CXCL13: variants seen among roughly 807,000 people sequenced by gnomAD.
The protein encoded by CXCL13 is C-X-C motif chemokine ligand 13.
Under a neutral mutation model 12.2 loss-of-function variants are expected in CXCL13, and 7 were observed. The observed-to-expected ratio is 0.57, with a 90% CI of 0.33 to 1.07. The LOEUF (loss-of-function observed/expected upper bound fraction) is 1.07. Ranked by LOEUF, CXCL13 falls within the 50% of genes least tolerant of loss-of-function variation. The probability of loss-of-function intolerance (pLI) is 0.04; values close to 1 mark genes in which losing one functional copy is unlikely to be tolerated. For synonymous variants in CXCL13, 47 were observed against 42.4 expected (o/e 1.11, Z -0.42); for missense variants, 113 against 127.4 (o/e 0.89, Z 0.55).
intron 1 of CXCL13, among the ~76,000 whole-genome samples, chr4:77,544,989 T>C (rs549725838): frequency 6.6e-6 from 1 of 152,330 alleles, no homozygotes; most frequent in Admixed American, 6.5e-5. Context: ...TCCAGCACCA[T>C]TTATTAAATA....
chr4:77,527,503 G>A (rs932906933), intron 1 of CXCL13, among the ~76,000 whole-genome samples: 7 of 151,942 alleles, frequency 4.6e-5, no homozygotes, highest in African/African-American at 7.3e-5. Flanking sequence ...GTGTTGGTTT[G>A]TGCCTGTGAT....
At chr4:77,583,602 T>C (rs1726387420) in intron 1 of CXCL13, among the ~76,000 whole-genome samples, 1 of 152,214 alleles carries the variant, frequency 6.6e-6, no homozygotes, top group Non-Finnish European at 1.5e-5. Context: ...CTCAGGGTAC[T>C]GAGTTCTCCT....
intron 1 of CXCL13, among the ~76,000 whole-genome samples, chr4:77,563,065 A>T (rs928220596): frequency 6.6e-6 from 1 of 152,160 alleles, no homozygotes; most frequent in African/African-American, 2.4e-5. Flanking sequence ...TATGAGCTGT[A>T]ACACTCACCA....
intron 1 of CXCL13, among the ~76,000 whole-genome samples, chr4:77,542,039 G>C (rs765553868): frequency 2.6e-5 from 4 of 152,080 alleles, no homozygotes; most frequent in Non-Finnish European, 5.9e-5. Flanking sequence ...AAATGCCACA[G>C]ATTTCTGTAT....
At chr4:77,594,972 A>G (rs187387199) in intron 1 of CXCL13, among the ~76,000 whole-genome samples, 3 of 152,244 alleles carry the variant, frequency 2.0e-5, no homozygotes, top group Admixed American at 2.0e-4. Flanking sequence ...AGAGGGAAAA[A>G]AATTGGCCAC....
intron 1 of CXCL13, among the ~76,000 whole-genome samples, chr4:77,577,353 A>G (rs894629771): frequency 2.6e-5 from 4 of 152,160 alleles, no homozygotes; most frequent in Non-Finnish European, 4.4e-5. Flanking sequence ...GAGTTCATCC[A>G]ACCCCCACCA....
intron 1 of CXCL13, among the ~76,000 whole-genome samples, chr4:77,566,911 C>G (rs1441366858): frequency 6.6e-6 from 1 of 152,160 alleles, no homozygotes; most frequent in Non-Finnish European, 1.5e-5. Context: ...CCAAGCTAAG[C>G]CATCATATCC....
At chr4:77,580,258 TA>T (rs1264994513) in intron 1 of CXCL13, among the ~76,000 whole-genome samples, 1 of 144,546 alleles carries the variant, frequency 6.9e-6, no homozygotes, top group East Asian at 2.1e-4. Flanking sequence ...AAATAAATTT[TA>T]AAATAAAGAA....
chr4:77,558,463 C>T (rs1487222959), intron 1 of CXCL13, among the ~76,000 whole-genome samples: 20 of 152,166 alleles, frequency 1.3e-4, no homozygotes, highest in Admixed American at 1.3e-3. Flanking sequence ...AGCAATTCTC[C>T]CACTTCAGCC....
chr4:77,588,455 GC>G (rs1726532385), intron 1 of CXCL13, among the ~76,000 whole-genome samples: 2 of 152,202 alleles, frequency 1.3e-5, no homozygotes, highest in East Asian at 3.8e-4. Flanking sequence ...TGTCATTGCT[GC>G]CTTCATATCT....
At chr4:77,570,275 A>G (rs905503203) in intron 1 of CXCL13, among the ~76,000 whole-genome samples, 1 of 152,264 alleles carries the variant, frequency 6.6e-6, no homozygotes, top group Non-Finnish European at 1.5e-5. Context: ...GTGGGATCTA[A>G]CTAAACTAAA....
intron 1 of CXCL13, among the ~76,000 whole-genome samples, chr4:77,514,114 G>A (rs1233276562): frequency 6.6e-6 from 1 of 151,780 alleles, no homozygotes; most frequent in Admixed American, 6.6e-5. Flanking sequence ...TTTCATCCAT[G>A]TCCCTACAAA....
chr4:77,580,830 C>T (rs897921659), intron 1 of CXCL13, among the ~76,000 whole-genome samples: 1 of 146,910 alleles, frequency 6.8e-6, no homozygotes, highest in African/African-American at 2.5e-5. Context: ...TCTTCTCCTC[C>T]CCTCCTCCTT....
intron 1 of CXCL13, among the ~76,000 whole-genome samples, chr4:77,573,362 TTGTGTGTGTGTGTGTGTGTG>T (rs3048191): frequency 6.7e-5 from 9 of 134,986 alleles, no homozygotes; most frequent in East Asian, 2.1e-4. Context: ...ATTGGGTCTT[TTGTGTGTGTGTGTGTGTGTG>T]TGTGTGTGTG....
chr4:77,537,585 T>C (rs954906112), intron 1 of CXCL13, among the ~76,000 whole-genome samples: 1 of 152,200 alleles, frequency 6.6e-6, no homozygotes, highest in Non-Finnish European at 1.5e-5. Context: ...ATGGGCTTGG[T>C]TAGAAGATTC....
At chr4:77,580,308 C>CCTTTTTT (rs1726291010) in intron 1 of CXCL13, among the ~76,000 whole-genome samples, 1 of 17,628 alleles carries the variant, frequency 5.7e-5, no homozygotes, top group Non-Finnish European at 1.1e-4. Flanking sequence ...AGTTTTCTTT[C>CCTTTTTT]TTTTTTTTTT....
intron 1 of CXCL13, among the ~76,000 whole-genome samples, chr4:77,562,329 C>T (rs893442479): frequency 6.6e-6 from 1 of 151,986 alleles, no homozygotes; most frequent in Non-Finnish European, 1.5e-5. Flanking sequence ...GGAGTGCGGG[C>T]ACAAGGCACG....
chr4:77,559,663 C>T (rs1404202961), intron 1 of CXCL13, among the ~76,000 whole-genome samples: 1 of 152,040 alleles, frequency 6.6e-6, no homozygotes, highest in Non-Finnish European at 1.5e-5. Context: ...TGGCTCACAC[C>T]TGTAATCCCA....
intron 1 of CXCL13, among the ~76,000 whole-genome samples, chr4:77,521,484 G>A (rs950030759): frequency 1.3e-5 from 2 of 152,070 alleles, no homozygotes; most frequent in East Asian, 3.8e-4. Flanking sequence ...TTTCTTCTAA[G>A]TTTTCTGGTT....
Sources: allele counts gnomAD v4.1 joint callset (sites outside exome capture counted in the v4.1 genomes callset), GRCh38; gene constraint gnomAD v4.1.1; transcripts MANE v1.5; gene names NCBI Gene and HGNC (gene_info 2026-07-23, HGNC 2026-07-21).